GKN1: variants seen among roughly 807,000 people sequenced by gnomAD.
The protein encoded by GKN1 is gastrokine 1.
Under a neutral mutation model 19.7 loss-of-function variants are expected in GKN1, and 17 were observed. That is an observed-to-expected ratio of 0.86 (90% CI 0.59 to 1.29). GKN1 has a LOEUF of 1.29. GKN1 is among the 50% of genes most tolerant of loss of function. The pLI, the probability that GKN1 is intolerant of heterozygous loss-of-function variation, is 0.00. For missense variants in GKN1, 218 were observed against 224.5 expected (o/e 0.97, Z 0.19); for synonymous variants, 96 against 78.3 (o/e 1.23, Z -1.20).
chr2:68,979,413 ATTGT>A (rs1342197084), intron 4 of GKN1, among the ~76,000 whole-genome samples: 1 of 152,228 alleles, frequency 6.6e-6, no homozygotes, highest in African/African-American at 2.4e-5. Flanking sequence ...AAAAAGATCC[ATTGT>A]TTATCTGAAA....
At position 68,979,829 on chromosome 2, in the gene GKN1, G is replaced by C. The variant is rs920405961; in HGVS notation, c.316-84G>C. ...CTGAGCAACACTCACTGTTGGCCTC[G>C]TATACCCCTCAAGTCAACAAACCAC... On this transcript the variant is annotated intron_variant, in intron 4 of 5. Coordinates refer to ENST00000377938, the MANE Select transcript of GKN1 (RefSeq NM_019617.4). 5.4e-5 allele frequency: 61 copies of C among 1,129,532 alleles called. 4 individuals are homozygous for C. The highest frequency in any genetic ancestry group is 4.4e-4 in the South Asian group (35 of 79,134). The allele number at this position is 1,129,532 out of a possible 1,614,324, so 70.0% of individuals were successfully genotyped here. A position where few individuals can be genotyped will look rare whatever the true frequency, so the allele number is the denominator to read the frequency against.
At chr2:68,974,909 G>A (rs1225178874) in intron 1 of GKN1, among the ~76,000 whole-genome samples, 1 of 152,088 alleles carries the variant, frequency 6.6e-6, no homozygotes, top group Non-Finnish European at 1.5e-5. Flanking sequence ...GTCAATAGGG[G>A]CAGCAAACCA....
At chr2:68,974,970 T>A (rs1328705185) in intron 1 of GKN1, among the ~76,000 whole-genome samples, 3 of 150,708 alleles carry the variant, frequency 2.0e-5, no homozygotes, top group African/African-American at 7.3e-5. Context: ...TGCACATGTA[T>A]CCCTTTTTTT....
At chr2:68,979,641 C>A (rs145910260) in intron 4 of GKN1, among the ~76,000 whole-genome samples, 3 of 152,250 alleles carry the variant, frequency 2.0e-5, no homozygotes, top group South Asian at 2.1e-4. Context: ...CTATGATGAC[C>A]AAATGAGGTC....
chr2:68,979,436 T>C (rs1670325924), intron 4 of GKN1, among the ~76,000 whole-genome samples: 1 of 152,254 alleles, frequency 6.6e-6, no homozygotes, highest in Admixed American at 6.5e-5. Context: ...AATTCAAATG[T>C]AACTGGGTAT....
chr2:68,979,045 G>A (rs895612113), intron 4 of GKN1, 64 bp downstream of exon 4: 13 of 780,038 alleles, frequency 1.7e-5, no homozygotes, highest in African/African-American at 7.0e-5. Flanking sequence ...AGTAAATAAC[G>A]AGAAGATCAC....
At chr2:68,974,797 T>TA (rs759895758) in intron 1 of GKN1, 108 bp downstream of exon 1, 1 of 778,312 alleles carries the variant, frequency 1.3e-6, no homozygotes, top group East Asian at 2.6e-5. Context: ...AAATTTGTTT[T>TA]AAAAAAATTC....
intron 1 of GKN1, among the ~76,000 whole-genome samples, chr2:68,974,945 C>T (rs1670232160): frequency 6.6e-6 from 1 of 152,020 alleles, no homozygotes; most frequent in Admixed American, 6.6e-5. Context: ...ACCTATGTAA[C>T]AAACCTGCAC....
chr2:68,978,614 G>A (rs1052530339), intron 3 of GKN1, among the ~76,000 whole-genome samples: 1 of 152,164 alleles, frequency 6.6e-6, no homozygotes, highest in Non-Finnish European at 1.5e-5. Flanking sequence ...GACTTATATA[G>A]AGGGGTTTTT....
chr2:68,979,791 T>C, intron 4 of GKN1, 122 bp from the exon 5 acceptor site: 2 of 717,276 alleles, frequency 2.8e-6, no homozygotes, highest in Non-Finnish European at 4.8e-6. Context: ...ATCTTGATTA[T>C]GGAAAAATTT....
chr2:68,974,930 C>A (rs980359249), intron 1 of GKN1, among the ~76,000 whole-genome samples: 1 of 152,098 alleles, frequency 6.6e-6, no homozygotes, highest in Non-Finnish European at 1.5e-5. Flanking sequence ...CCATGGCACA[C>A]ATATACCTAT....
At chr2:68,979,560 T>C (rs1670328000) in intron 4 of GKN1, among the ~76,000 whole-genome samples, 1 of 152,154 alleles carries the variant, frequency 6.6e-6, no homozygotes, top group African/African-American at 2.4e-5. Flanking sequence ...GTACCTTTCA[T>C]TGACAAGGTA....
At chr2:68,974,789 AT>A (rs1252139872) in intron 1 of GKN1, 100 bp downstream of exon 1, 1 of 825,404 alleles carries the variant, frequency 1.2e-6, no homozygotes, top group Non-Finnish European at 2.1e-6. Flanking sequence ...ATCATGGAAA[AT>A]TTGTTTTAAA....
intron 5 of GKN1, among the ~76,000 whole-genome samples, chr2:68,980,334 C>CA (rs1380805740): frequency 3.9e-5 from 6 of 152,170 alleles, no homozygotes; most frequent in African/African-American, 1.4e-4. Context: ...GGGTCAATTC[C>CA]AAGCATTTTG....
chr2:68,978,365 G>A (rs530315916), intron 3 of GKN1, among the ~76,000 whole-genome samples: 2 of 151,920 alleles, frequency 1.3e-5, no homozygotes, highest in East Asian at 1.9e-4. Flanking sequence ...GAAAGGAAAA[G>A]AGAAGCAAAG....
chr2:68,974,863 G>C (rs568589935), intron 1 of GKN1, among the ~76,000 whole-genome samples, 174 bp downstream of exon 1: 3 of 152,132 alleles, frequency 2.0e-5, no homozygotes, highest in South Asian at 4.2e-4. Context: ...GTCCTGTTGG[G>C]GGGTGGAGAG....
At chr2:68,977,425 C>A in intron 1 of GKN1, 70 bp from the exon 2 acceptor site, 1 of 1,044,450 alleles carries the variant, frequency 9.6e-7, no homozygotes, top group Non-Finnish European at 1.5e-6. Flanking sequence ...TTTTCATAAG[C>A]TTGGATAGAG....
intron 5 of GKN1, 36 bp from the exon 6 acceptor site, chr2:68,980,693 G>T: frequency 9.5e-7 from 1 of 1,051,650 alleles, no homozygotes. Context: ...TCCTTAAATA[G>T]ACATTAATAT....
intron 4 of GKN1, 40 bp downstream of exon 4, chr2:68,979,021 G>T (rs745425594): frequency 2.1e-6 from 2 of 936,120 alleles, no homozygotes; most frequent in Non-Finnish European, 3.5e-6. Flanking sequence ...GAGGGGAGAG[G>T]TTTTACATCC....
Sources: gnomAD v4.1 joint callset for allele counts (sites outside exome capture counted in the v4.1 genomes callset) on GRCh38, gnomAD v4.1.1 for gene constraint, MANE v1.5 for transcripts, NCBI Gene and HGNC (gene_info 2026-07-23, HGNC 2026-07-21) for gene names.